Variants in LRRCC1 observed in about 807,000 individuals in gnomAD.
The protein encoded by LRRCC1 is leucine-rich repeat and coiled-coil domain-containing protein 1.
Under a neutral mutation model 126.0 loss-of-function variants are expected in LRRCC1, and 115 were observed. That is an observed-to-expected ratio of 0.91 (90% confidence interval 0.78 to 1.07). The LOEUF (loss-of-function observed/expected upper bound fraction) is 1.07. Among genes scored for constraint, LRRCC1 ranks in the 50% least tolerant of loss-of-function variants. The pLI is 0.00. For missense variants in LRRCC1, 1,172 were observed against 1,175.7 expected (o/e 1.00, Z 0.05); for synonymous variants, 400 against 393.4 (o/e 1.02, Z -0.20).
chr8:85,122,146 T>C (rs1809609678), intron 6 of LRRCC1, among the ~76,000 whole-genome samples: 1 of 152,242 alleles, frequency 6.6e-6, no homozygotes, highest in African/African-American at 2.4e-5. Context: ...CCTTGATTTC[T>C]TGTATGTAAT....
At chr8:85,139,020 T>A (rs1428532820) in intron 17 of LRRCC1, among the ~76,000 whole-genome samples, 1 of 151,846 alleles carries the variant, frequency 6.6e-6, no homozygotes, top group East Asian at 1.9e-4. Flanking sequence ...CACTCCAGCC[T>A]GGGCAACAAG....
chr8:85,131,194 C>T (rs936011690), intron 11 of LRRCC1, among the ~76,000 whole-genome samples: 3 of 152,066 alleles, frequency 2.0e-5, no homozygotes, highest in African/African-American at 7.2e-5. Flanking sequence ...ACTTTGTTTC[C>T]TTTACAGGAA....
chr8:85,107,447 C>T (rs983867959), intron 1 of LRRCC1, 48 bp downstream of exon 1: 7 of 1,497,458 alleles, frequency 4.7e-6, no homozygotes, highest in Non-Finnish European at 6.4e-6. Context: ...TCCCCAGAGC[C>T]GGGGCCACGA....
intron 4 of LRRCC1, among the ~76,000 whole-genome samples, 192 bp downstream of exon 4, chr8:85,113,291 C>G (rs1808865209): frequency 6.6e-6 from 1 of 152,042 alleles, no homozygotes. Flanking sequence ...ATGAACAGTT[C>G]AGTGATGCTC....
intron 3 of LRRCC1, among the ~76,000 whole-genome samples, chr8:85,111,512 T>C (rs1013311150): frequency 3.3e-5 from 5 of 152,206 alleles, no homozygotes; most frequent in Admixed American, 2.0e-4. Context: ...TCTCTCAGTA[T>C]GTATTTATGA....
chr8:85,144,428 A>ATG (rs201121031), intron 18 of LRRCC1, among the ~76,000 whole-genome samples: 116 of 88,938 alleles, frequency 1.3e-3, no homozygotes, highest in Admixed American at 3.7e-3. Context: ...GTGTGTGTGT[A>ATG]TGTGTGTGTG....
At chr8:85,143,960 C>G (rs1256502684) in intron 18 of LRRCC1, among the ~76,000 whole-genome samples, 1 of 151,820 alleles carries the variant, frequency 6.6e-6, no homozygotes, top group Non-Finnish European at 1.5e-5. Flanking sequence ...ATTGAGAGAT[C>G]TATATTAGGG....
chr8:85,121,447 G>C (rs1237759902), intron 6 of LRRCC1, among the ~76,000 whole-genome samples: 4 of 150,892 alleles, frequency 2.7e-5, no homozygotes, highest in Admixed American at 2.6e-4. Context: ...GTTTTGTTTT[G>C]TTTTGTTTTT....
At chr8:85,116,246 T>C (rs1472239962) in intron 6 of LRRCC1, among the ~76,000 whole-genome samples, 2 of 152,238 alleles carry the variant, frequency 1.3e-5, no homozygotes, top group Admixed American at 6.5e-5. Context: ...CACTACTATC[T>C]GACTGCAATA....
chr8:85,116,812 C>G (rs565918365), intron 6 of LRRCC1, among the ~76,000 whole-genome samples: 10 of 152,074 alleles, frequency 6.6e-5, no homozygotes, highest in Non-Finnish European at 1.3e-4. Flanking sequence ...ATTAATAATG[C>G]TGGATAAACA....
chr8:85,143,998 AT>A (rs1055596163), intron 18 of LRRCC1, among the ~76,000 whole-genome samples: 3 of 152,224 alleles, frequency 2.0e-5, no homozygotes, highest in Admixed American at 2.0e-4. Flanking sequence ...AAACAGAAAA[AT>A]GGTCATATTG....
At chr8:85,139,528 A>G (rs1392617813) in intron 17 of LRRCC1, among the ~76,000 whole-genome samples, 1 of 152,134 alleles carries the variant, frequency 6.6e-6, no homozygotes, top group Non-Finnish European at 1.5e-5. Context: ...GGCCTGCCAA[A>G]GTGCTGGGAT....
chr8:85,138,337 G>T lies in LRRCC1; in HGVS notation c.2703-1G>T. On this transcript the variant is annotated splice_acceptor_variant, in intron 16 of 18. Coordinates refer to ENST00000360375, the MANE Select transcript of LRRCC1 (RefSeq NM_033402.5). LOFTEE classifies it high-confidence loss of function. ...ATTTTTCAAATTACTTCTCATATTAGTACACTGAATCGGAAGTGGCATGAT... is the reference window on the plus strand; with the variant it reads ...ATTTTTCAAATTACTTCTCATATTATTACACTGAATCGGAAGTGGCATGAT... 6.2e-7 allele frequency: 1 copy of T among 1,601,126 alleles called. No individual in the cohort carries two copies. Among genetic ancestry groups the T allele is most frequent in the Non-Finnish European group, 8.5e-7 (1 of 1,176,024 alleles).
Position 85,124,892 on chromosome 8 carries a change from G to A in LRRCC1, c.1225G>A (p.Glu409Lys). 6.2e-7 allele frequency: 1 copy of A among 1,608,416 alleles called. No individual in the cohort carries two copies. The highest frequency in any genetic ancestry group is 8.5e-7 in the Non-Finnish European group (1 of 1,177,194). The change falls in exon 8 of 19, where the codon GAA becomes AAA. Residue 409 changes from glutamate to lysine, a missense_variant. Transcript: ENST00000360375. ...ACAAGAATCAGAAAAGCCAAAGACT[G>A]AAATAATTAAAGTAGACCAAAGTCA... ...MLQESEKPKTEIIKVDQSHSE... is the reference protein window; with the variant it reads ...MLQESEKPKTKIIKVDQSHSE...
intron 4 of LRRCC1, among the ~76,000 whole-genome samples, chr8:85,113,564 G>T (rs915823838): frequency 2.0e-5 from 3 of 151,906 alleles, no homozygotes; most frequent in African/African-American, 7.3e-5. Context: ...ATGTATGCAC[G>T]CATGTGTGTG....
intron 6 of LRRCC1, among the ~76,000 whole-genome samples, chr8:85,118,358 G>A (rs1809274735): frequency 6.6e-6 from 1 of 151,934 alleles, no homozygotes; most frequent in East Asian, 1.9e-4. Context: ...TAATCTTTTT[G>A]TAAACATGTA....
intron 11 of LRRCC1, among the ~76,000 whole-genome samples, chr8:85,131,135 C>T (rs948835695): frequency 2.0e-5 from 3 of 152,030 alleles, no homozygotes; most frequent in African/African-American, 7.3e-5. Flanking sequence ...ATAGATGAGA[C>T]AATTATAAAA....
intron 7 of LRRCC1, among the ~76,000 whole-genome samples, 193 bp downstream of exon 7, chr8:85,123,799 C>G (rs1447245747): frequency 2.0e-5 from 3 of 151,910 alleles, no homozygotes; most frequent in Non-Finnish European, 4.4e-5. Flanking sequence ...TGTGTCTGTA[C>G]CTAAGTTGCA....
chr8:85,134,909 G>A lies in LRRCC1; in HGVS notation c.2031G>A (p.Trp677Ter). ...CAAAGAGCAAACATGCTCTTATTTG[G>A]GCTCAACGAAAAGAAAATGAGTCTT... The part of the protein sequence containing the change: ...ELAKSKHALI[W>*]AQRKENESSS... The change falls in exon 13 of 19, where the codon TGG (tryptophan) becomes TGA (stop). Residue 677 changes from tryptophan (W) to a stop codon, truncating the protein, a stop_gained. Coordinates refer to ENST00000360375, the MANE Select transcript of LRRCC1 (RefSeq NM_033402.5). LOFTEE classifies it high-confidence loss of function. 6.3e-7 allele frequency: 1 copy of A among 1,597,682 alleles called. No homozygotes were observed. Among genetic ancestry groups the A allele is most frequent in the Non-Finnish European group, 8.5e-7 (1 of 1,176,524 alleles).
Sources: gnomAD v4.1 joint callset for allele counts (sites outside exome capture counted in the v4.1 genomes callset) on GRCh38, gnomAD v4.1.1 for gene constraint, MANE v1.5 for transcripts, NCBI Gene and HGNC (gene_info 2026-07-23, HGNC 2026-07-21) for gene names.